The following SYTL3 variants were observed in gnomAD, a reference collection of about 807,000 sequenced individuals.
SYTL3 encodes synaptotagmin-like protein 3.
Under a neutral mutation model 82.1 loss-of-function variants are expected in SYTL3, and 88 were observed. That is an observed-to-expected ratio of 1.07 (90% confidence interval 0.90 to 1.28). The LOEUF is 1.28. Ranked by LOEUF, SYTL3 falls within the 50% of genes most tolerant of loss-of-function variation. The pLI is 0.00. For synonymous variants in SYTL3, 311 were observed against 289.4 expected, an observed-to-expected ratio of 1.07 and a Z score of -0.76; for missense variants, 831 against 757.6, an observed-to-expected ratio of 1.10 and a Z score of -1.14.
chr6:158,674,418 C>G (rs923148362), intron 5 of SYTL3, among the ~76,000 whole-genome samples: 6 of 152,136 alleles, frequency 3.9e-5, no homozygotes. Context: ...CTGAAAGTTC[C>G]CTCTGGTTCC....
rs1477857013 is a variant in SYTL3, at chr6:158,661,377, CCCAG to C, written c.-523_-520del. 2.0e-5 allele frequency: 3 copies of C among 152,176 alleles called. No individual in the cohort carries two copies. The highest frequency in any genetic ancestry group is 2.9e-5 in the Non-Finnish European group (2 of 68,062). The allele number at this position is 152,176 out of a possible 1,614,324, so 9.4% of individuals were successfully genotyped here. On this transcript the variant is annotated 5_prime_UTR_variant, in exon 3 of 18. An upstream open reading frame in the 5' UTR gains an earlier in-frame stop. Transcript: ENST00000611299. ...CCCTGCTGGCATAGTCAGGTACCAG[CCCAG>C]CCAGGTAAGAACCTAAAGTCCTTGT...
At chr6:158,652,695 C>A (rs934569451) in intron 2 of SYTL3, among the ~76,000 whole-genome samples, 1 of 152,072 alleles carries the variant, frequency 6.6e-6, no homozygotes, top group African/African-American at 2.4e-5. Context: ...GTGCCCACCA[C>A]CATGCCCGGC....
chr6:158,694,223 C>G (rs906701325), intron 6 of SYTL3, among the ~76,000 whole-genome samples: 5 of 152,046 alleles, frequency 3.3e-5, no homozygotes, highest in African/African-American at 1.2e-4. Flanking sequence ...AAGACCTTGC[C>G]CTTCAAAATT....
chr6:158,659,138 A>G (rs1789059036), intron 2 of SYTL3, among the ~76,000 whole-genome samples: 2 of 152,190 alleles, frequency 1.3e-5, no homozygotes, highest in African/African-American at 2.4e-5. Context: ...CGGAATACAC[A>G]TACCTCGAGT....
chr6:158,648,715 TGC>T (rs1562331270), upstream of SYTL3, among the ~76,000 whole-genome samples: 1 of 152,142 alleles, frequency 6.6e-6, no homozygotes, highest in African/African-American at 2.4e-5. Flanking sequence ...TCTTCCCCTG[TGC>T]CAAGAAGTGT....
At chr6:158,745,026 C>G (rs573945711) in intron 11 of SYTL3, among the ~76,000 whole-genome samples, 1 of 152,208 alleles carries the variant, frequency 6.6e-6, no homozygotes, top group South Asian at 2.1e-4. Context: ...TCCAGTTAGA[C>G]TTTGCCACAG....
intron 14 of SYTL3, among the ~76,000 whole-genome samples, chr6:158,759,287 G>A (rs1462359454): frequency 2.0e-5 from 3 of 152,218 alleles, no homozygotes; most frequent in East Asian, 1.9e-4. Context: ...TGGGGAGTCC[G>A]CCCACAGACC....
intron 15 of SYTL3, among the ~76,000 whole-genome samples, chr6:158,761,749 G>A (rs1043308208): frequency 2.0e-5 from 3 of 152,204 alleles, no homozygotes; most frequent in African/African-American, 4.8e-5. Context: ...CAGGGTCTCG[G>A]GGCTCTCACT....
At chr6:158,663,923 G>A (rs1302518681) in intron 4 of SYTL3, among the ~76,000 whole-genome samples, 3 of 152,034 alleles carry the variant, frequency 2.0e-5, no homozygotes, top group East Asian at 1.9e-4. Flanking sequence ...TTTCCTGACC[G>A]CTTTGCCAAC....
intron 3 of SYTL3, among the ~76,000 whole-genome samples, chr6:158,661,747 G>A (rs1374710393): frequency 6.6e-6 from 1 of 152,154 alleles, no homozygotes; most frequent in African/African-American, 2.4e-5. Flanking sequence ...AGCAGAACTT[G>A]TGACTTTGTC....
intron 10 of SYTL3, among the ~76,000 whole-genome samples, chr6:158,723,345 G>A (rs908368646): frequency 2.0e-5 from 3 of 152,044 alleles, no homozygotes; most frequent in Non-Finnish European, 4.4e-5. Flanking sequence ...CAAAGTGCTA[G>A]GATTACAGGT....
intron 12 of SYTL3, among the ~76,000 whole-genome samples, chr6:158,749,390 GAAAA>G (rs1167978441): frequency 5.8e-5 from 3 of 52,152 alleles, no homozygotes; most frequent in African/African-American, 1.3e-4. Flanking sequence ...GACTCTGTCT[GAAAA>G]AAAAAAAAAA....
chr6:158,684,268 G>A (rs376625460), intron 6 of SYTL3, among the ~76,000 whole-genome samples: 37 of 152,254 alleles, frequency 2.4e-4, no homozygotes, highest in African/African-American at 8.2e-4. Flanking sequence ...CCAAGTTGGG[G>A]GACGTGATTG....
chr6:158,648,018 G>T (rs940220499), upstream of SYTL3, among the ~76,000 whole-genome samples: 1 of 152,208 alleles, frequency 6.6e-6, no homozygotes, highest in Non-Finnish European at 1.5e-5. Context: ...CAGTGGCTGG[G>T]CGCAGTGGCT....
intron 13 of SYTL3, among the ~76,000 whole-genome samples, chr6:158,756,209 A>T (rs1789035400): frequency 6.6e-6 from 1 of 150,778 alleles, no homozygotes; most frequent in Non-Finnish European, 1.5e-5. Flanking sequence ...ATGGGGCAGA[A>T]CCCATGCTTG....
intron 14 of SYTL3, among the ~76,000 whole-genome samples, chr6:158,758,913 C>G (rs1789524345): frequency 6.6e-6 from 1 of 152,192 alleles, no homozygotes. Context: ...TGCTCCTGCC[C>G]CAGCCACGTT....
chr6:158,760,618 A>C lies in SYTL3; in HGVS notation c.1309-22A>C, dbSNP rs1257212900. ...TTGGGACTTGGGGAATCCTGTCCCT[A>C]AGCTCTGCCTCTTGTCCCCAGGCGG... On this transcript the variant is annotated intron_variant, in intron 14 of 17. Coordinates refer to ENST00000611299, the MANE Select transcript of SYTL3 (RefSeq NM_001242394.2). The C allele has an allele frequency of 3.7e-6, 6 of 1,604,022 alleles. No homozygotes were observed. In the East Asian group the frequency reaches 1.3e-4, roughly 36 times the overall value.
In SYTL3 at chr6:158,707,155, TCTA is replaced by T. The variant is rs1782190983; in HGVS notation, c.395-71_395-69del. 7 of 1,388,590 alleles carry T rather than the reference TCTA, an allele frequency of 5.0e-6. 1 individual carries two copies. The highest frequency in any genetic ancestry group is 2.4e-5 in the South Asian group (2 of 84,350). The allele number at this position is 1,388,590 out of a possible 1,614,324, so 86.0% of individuals were successfully genotyped here. ...ATGATACTAGAGAAAATAATTTTAA[TCTA>T]CTATTTCCTGTATTTACATTAGCTA... On this transcript the variant is annotated intron_variant, in intron 6 of 17. Coordinates refer to ENST00000611299, the MANE Select transcript of SYTL3 (RefSeq NM_001242394.2).
At chr6:158,699,160 A>G (rs1365824639) in intron 6 of SYTL3, among the ~76,000 whole-genome samples, 1 of 152,160 alleles carries the variant, frequency 6.6e-6, no homozygotes, top group Non-Finnish European at 1.5e-5. Context: ...AGGACCTGAA[A>G]ACCCTCAGCC....
Sources: allele counts gnomAD v4.1 joint callset (sites outside exome capture counted in the v4.1 genomes callset), GRCh38; gene constraint gnomAD v4.1.1; transcripts MANE v1.5; gene names NCBI Gene and HGNC (gene_info 2026-07-23, HGNC 2026-07-21).